Variants in OR51B5 observed in about 807,000 individuals in gnomAD.
The protein encoded by OR51B5 is olfactory receptor family 51 subfamily B member 5.
For missense variants in OR51B5, 456 were observed against 374.6 expected (o/e 1.22, Z -1.79); for synonymous variants, 186 against 144.8 (o/e 1.28, Z -2.04).
chr11:5,364,833 G>A (rs1304429826), intron 1 of OR51B5, among the ~76,000 whole-genome samples: 1 of 152,102 alleles, frequency 6.6e-6, no homozygotes, highest in African/African-American at 2.4e-5. Flanking sequence ...ACAGGACTTT[G>A]TTACCTTTCC....
chr11:5,360,115 A>G (rs1325247996), intron 1 of OR51B5, among the ~76,000 whole-genome samples: 2 of 151,962 alleles, frequency 1.3e-5, no homozygotes, highest in African/African-American at 4.8e-5. Context: ...CACCAAAAGC[A>G]ATGGCAACAA....
intron 1 of OR51B5, among the ~76,000 whole-genome samples, chr11:5,354,485 G>T (rs916768765): frequency 6.6e-6 from 1 of 151,976 alleles, no homozygotes; most frequent in Non-Finnish European, 1.5e-5. Context: ...AAGTCCAAGA[G>T]AGGTGAAAGA....
intron 1 of OR51B5, among the ~76,000 whole-genome samples, chr11:5,444,332 TAAG>T (rs941690717): frequency 2.0e-5 from 3 of 152,172 alleles, no homozygotes; most frequent in Non-Finnish European, 4.4e-5. Context: ...GGCTTTTAAA[TAAG>T]AAGTATAAAA....
chr11:5,406,604 A>C (rs1034073694), intron 1 of OR51B5, among the ~76,000 whole-genome samples: 1 of 152,192 alleles, frequency 6.6e-6, no homozygotes, highest in Non-Finnish European at 1.5e-5. Flanking sequence ...AGCTAAATTA[A>C]AAATTAGGAC....
intron 1 of OR51B5, chr11:5,489,409 G>A: frequency 6.2e-7 from 1 of 1,613,798 alleles, no homozygotes; most frequent in Non-Finnish European, 8.5e-7. Context: ...TCCATCTCAT[G>A]ATGCCCAGCA....
chr11:5,356,986 T>G (rs907446218), intron 1 of OR51B5, among the ~76,000 whole-genome samples: 12 of 151,760 alleles, frequency 7.9e-5, no homozygotes, highest in Non-Finnish European at 1.0e-4. Flanking sequence ...GCACTAAATA[T>G]GGAAAGGCAC....
intron 1 of OR51B5, among the ~76,000 whole-genome samples, chr11:5,465,464 G>T (rs1473082293): frequency 6.6e-6 from 1 of 151,974 alleles, no homozygotes; most frequent in Non-Finnish European, 1.5e-5. Context: ...CTACTTTAAA[G>T]TTCATATGGA....
intron 1 of OR51B5, among the ~76,000 whole-genome samples, chr11:5,404,516 T>C (rs1850030511): frequency 6.6e-6 from 1 of 152,018 alleles, no homozygotes; most frequent in African/African-American, 2.4e-5. Context: ...CAATCAGCAC[T>C]CTGTAAAATG....
chr11:5,433,514 G>A (rs1224569836), intron 1 of OR51B5, among the ~76,000 whole-genome samples: 1 of 152,170 alleles, frequency 6.6e-6, no homozygotes, highest in East Asian at 1.9e-4. Context: ...GTGTTGATGT[G>A]AAATTGTTCA....
chr11:5,360,669 C>T (rs1233038467), intron 1 of OR51B5, among the ~76,000 whole-genome samples: 1 of 152,048 alleles, frequency 6.6e-6, no homozygotes, highest in Non-Finnish European at 1.5e-5. Context: ...ATAAATCATG[C>T]TGCTATAAAG....
At position 5,479,954 on chromosome 11, in the gene OR51B5, G is replaced by C. The variant is rs1335772637; in HGVS notation, n.84+25615C>G. Among the ~76,000 whole-genome samples the C allele has an allele frequency of 1.4e-4, 19 of 139,648 alleles. No homozygotes were observed. The East Asian group carries it at 1.9e-3, about 14-fold the overall frequency. 91.6% of individuals were successfully genotyped at this position (139,648 alleles called of 152,430 possible). A position where few individuals can be genotyped will look rare whatever the true frequency, so the allele number is the denominator to read the frequency against. On this transcript the variant is annotated intron_variant and non_coding_transcript_variant, in intron 1 of 4. Coordinates refer to the OR51B5 transcript ENST00000415970. ...CACTGTCAACATTAGACAGATCAAC[G>C]AGACAGAAAGTCAACAAGGATACCC...
intron 1 of OR51B5, among the ~76,000 whole-genome samples, chr11:5,483,387 T>G (rs1590022545): frequency 7.5e-6 from 1 of 133,482 alleles, no homozygotes; most frequent in Non-Finnish European, 1.6e-5. Flanking sequence ...GGGATAGCAT[T>G]GGGAGATATA....
At chr11:5,398,389 TCCC>T (rs1468320647) in intron 1 of OR51B5, among the ~76,000 whole-genome samples, 1 of 152,098 alleles carries the variant, frequency 6.6e-6, no homozygotes, top group Non-Finnish European at 1.5e-5. Flanking sequence ...CCTAACTTTC[TCCC>T]CATTACTCTA....
intron 1 of OR51B5, among the ~76,000 whole-genome samples, chr11:5,356,899 T>A (rs1486065416): frequency 6.7e-6 from 1 of 148,872 alleles, no homozygotes; most frequent in Admixed American, 6.7e-5. Flanking sequence ...GAAGGAGAAA[T>A]AAAATACTTT....
chr11:5,465,502 C>T (rs1047333949), intron 1 of OR51B5, among the ~76,000 whole-genome samples: 2 of 151,752 alleles, frequency 1.3e-5, no homozygotes, highest in African/African-American at 4.8e-5. Context: ...ATCACCAAGG[C>T]AATCCTAAGC....
downstream of OR51B5, chr11:5,341,289 C>T (rs1848888340): frequency 1.3e-5 from 2 of 152,056 alleles, no homozygotes. Flanking sequence ...TCAGTATTTG[C>T]CTATGGCCTG....
intron 1 of OR51B5, among the ~76,000 whole-genome samples, chr11:5,409,919 T>C (rs1256073883): frequency 7.0e-6 from 1 of 142,698 alleles, no homozygotes; most frequent in Non-Finnish European, 1.6e-5. Context: ...GTCTCATCTT[T>C]AAATGATCAA....
chr11:5,414,612 A>AC (rs1850207492), intron 1 of OR51B5, among the ~76,000 whole-genome samples: 1 of 151,380 alleles, frequency 6.6e-6, no homozygotes, highest in South Asian at 2.1e-4. Context: ...TGGAAAACAA[A>AC]AAAAGGCAGG....
At chr11:5,340,877 G>C (rs1848882445), downstream of OR51B5, 1 of 152,122 alleles carries the variant, frequency 6.6e-6, no homozygotes, top group African/African-American at 2.4e-5. Context: ...TGTGGATGTA[G>C]TAGAGCATAA....
Sources: gnomAD v4.1 joint callset for allele counts (sites outside exome capture counted in the v4.1 genomes callset) on GRCh38, gnomAD v4.1.1 for gene constraint, MANE v1.5 for transcripts, NCBI Gene and HGNC (gene_info 2026-07-23, HGNC 2026-07-21) for gene names.